Variants in XKR4 observed in about 807,000 individuals in gnomAD.
XKR4 encodes XK related 4, also known as XK-related protein 4.
XKR4 carries 12 observed loss-of-function variants against 53.9 expected under a neutral mutation model. The observed-to-expected ratio is 0.22, with a 90% CI of 0.14 to 0.36. The LOEUF (loss-of-function observed/expected upper bound fraction) is 0.36. Among genes scored for constraint, XKR4 ranks in the 10% least tolerant of loss-of-function variants. The pLI, the probability that XKR4 is intolerant of heterozygous loss-of-function variation, is 1.00. For synonymous variants in XKR4, 354 were observed against 362.4 expected, an observed-to-expected ratio of 0.98 and a Z score of 0.26; for missense variants, 799 against 859.5, an observed-to-expected ratio of 0.93 and a Z score of 0.88.
intron 2 of XKR4, among the ~76,000 whole-genome samples, chr8:55,401,669 C>T (rs999902399): frequency 3.9e-5 from 6 of 152,218 alleles, no homozygotes; most frequent in Non-Finnish European, 8.8e-5. Context: ...GGATTCAAGC[C>T]TGGGTCCATC....
chr8:55,410,447 T>C (rs1804759176), intron 2 of XKR4, among the ~76,000 whole-genome samples: 1 of 152,150 alleles, frequency 6.6e-6, no homozygotes, highest in Non-Finnish European at 1.5e-5. Flanking sequence ...AGTCTATAAT[T>C]GGGTTATAAT....
intron 1 of XKR4, among the ~76,000 whole-genome samples, chr8:55,267,224 G>GA (rs143355226): frequency 0.029 from 4,419 of 150,388 alleles, 217 homozygotes; most frequent in African/African-American, 0.098. Flanking sequence ...CCAAACTAGA[G>GA]AAAAAAAAAC....
At chr8:55,360,629 G>A (rs1803887840) in intron 2 of XKR4, among the ~76,000 whole-genome samples, 2 of 152,100 alleles carry the variant, frequency 1.3e-5, no homozygotes, top group Non-Finnish European at 2.9e-5. Flanking sequence ...TATTTAGCAG[G>A]GAGAGAATGG....
At chr8:55,346,285 C>G (rs1353597296) in intron 1 of XKR4, among the ~76,000 whole-genome samples, 3 of 152,012 alleles carry the variant, frequency 2.0e-5, no homozygotes, top group Non-Finnish European at 2.9e-5. Flanking sequence ...CTGGCTTCAC[C>G]ATGTTGGCCA....
chr8:55,192,238 ACT>A (rs1817452246), intron 1 of XKR4, among the ~76,000 whole-genome samples: 3 of 144,194 alleles, frequency 2.1e-5, no homozygotes, highest in Admixed American at 2.1e-4. Context: ...AAGTCCCTTA[ACT>A]TTGTTGAAAT....
intron 1 of XKR4, among the ~76,000 whole-genome samples, chr8:55,309,303 G>T (rs919808870): frequency 6.6e-6 from 1 of 152,124 alleles, no homozygotes; most frequent in Non-Finnish European, 1.5e-5. Flanking sequence ...AAAAAACCCA[G>T]CCCTGAAAGA....
At position 55,298,771 on chromosome 8, in the gene XKR4, T is replaced by A. The variant is rs146926325; in HGVS notation, c.807-58907T>A. Among the ~76,000 whole-genome samples, 1,105 of 152,344 alleles carry A rather than the reference T, an allele frequency of 7.3e-3. 6 individuals are homozygous for A. The highest frequency in any genetic ancestry group is 0.012 in the Admixed American group (191 of 15,302). On this transcript the variant is annotated intron_variant, in intron 1 of 2. Transcript: ENST00000327381. ...GTGTGCATGCACACACATGTATATG[T>A]ATGTACATATATAAACATATATATG...
chr8:55,164,387 A>T (rs1170826384), intron 1 of XKR4: 7 of 456,182 alleles, frequency 1.5e-5, no homozygotes, highest in African/African-American at 1.4e-4. Flanking sequence ...GCCTTTAACA[A>T]ACTCACATTC....
chr8:55,380,703 A>G (rs1804219050), intron 2 of XKR4, among the ~76,000 whole-genome samples: 1 of 152,260 alleles, frequency 6.6e-6, no homozygotes, highest in Non-Finnish European at 1.5e-5. Flanking sequence ...CTAAGTCACC[A>G]AAAGAAGTGC....
intron 2 of XKR4, among the ~76,000 whole-genome samples, chr8:55,412,845 T>A (rs1257143885): frequency 1.3e-5 from 2 of 152,226 alleles, no homozygotes; most frequent in Non-Finnish European, 2.9e-5. Context: ...CCATTCCTGA[T>A]GAACAATGGA....
chr8:55,153,861 G>T (rs1170717358), intron 1 of XKR4, among the ~76,000 whole-genome samples: 1 of 152,190 alleles, frequency 6.6e-6, no homozygotes, highest in African/African-American at 2.4e-5. Context: ...AGCAAGACTT[G>T]TTAATGCAGG....
At chr8:55,515,272 C>T (rs951654379) in intron 2 of XKR4, among the ~76,000 whole-genome samples, 1 of 152,144 alleles carries the variant, frequency 6.6e-6, no homozygotes, top group African/African-American at 2.4e-5. Context: ...AGAACTATTA[C>T]AAGGTTTAAA....
At chr8:55,395,853 T>C (rs1211685955) in intron 2 of XKR4, among the ~76,000 whole-genome samples, 1 of 152,204 alleles carries the variant, frequency 6.6e-6, no homozygotes, top group East Asian at 1.9e-4. Flanking sequence ...CACCATGGAC[T>C]GGGTGGCTTC....
chr8:55,164,095 C>T (rs774359273), intron 1 of XKR4: 1 of 427,374 alleles, frequency 2.3e-6, no homozygotes, highest in South Asian at 1.7e-5. Context: ...CACATTAAGA[C>T]CTCCACCTTC....
intron 1 of XKR4, among the ~76,000 whole-genome samples, chr8:55,251,185 T>C (rs867440588): frequency 1.3e-5 from 2 of 152,160 alleles, no homozygotes; most frequent in African/African-American, 2.4e-5. Flanking sequence ...TATTTAAGTA[T>C]CGGTGTAGGT....
At chr8:55,231,605 G>A (rs919611361) in intron 1 of XKR4, among the ~76,000 whole-genome samples, 7 of 151,388 alleles carry the variant, frequency 4.6e-5, no homozygotes, top group African/African-American at 1.5e-4. Context: ...GACAAAAAAA[G>A]GGGAAAGGGA....
intron 1 of XKR4, among the ~76,000 whole-genome samples, chr8:55,128,933 A>G (rs534442963): frequency 7.2e-5 from 11 of 152,340 alleles, no homozygotes; most frequent in African/African-American, 2.6e-4. Context: ...GGAGAGATGG[A>G]TACCAACATT....
chr8:55,367,815 C>T (rs190374898), intron 2 of XKR4, among the ~76,000 whole-genome samples: 2 of 152,172 alleles, frequency 1.3e-5, no homozygotes, highest in Admixed American at 1.3e-4. Flanking sequence ...CAAATCCGAC[C>T]ACCCTTTGCT....
intron 2 of XKR4, among the ~76,000 whole-genome samples, chr8:55,460,185 T>C (rs563219945): frequency 6.8e-4 from 103 of 152,320 alleles, no homozygotes; most frequent in African/African-American, 2.4e-3. Context: ...AGACTACCTA[T>C]TGTATTATTC....
Sources: gnomAD v4.1 joint callset for allele counts (sites outside exome capture counted in the v4.1 genomes callset) on GRCh38, gnomAD v4.1.1 for gene constraint, MANE v1.5 for transcripts, NCBI Gene and HGNC (gene_info 2026-07-23, HGNC 2026-07-21) for gene names.